ERC1: variants seen among roughly 807,000 people sequenced by gnomAD.
ERC1 encodes RAB6 interacting protein 2.
In ERC1, 56 loss-of-function variants were observed where a neutral mutation model predicts 132.0. The observed-to-expected ratio is 0.42, with a 90% CI of 0.34 to 0.53. The LOEUF (loss-of-function observed/expected upper bound fraction) is 0.53. ERC1 is among the 20% of genes least tolerant of loss of function. The pLI is 0.03. For synonymous variants in ERC1, 478 were observed against 476.1 expected (o/e 1.00, Z -0.05); for missense variants, 1,202 against 1,349.9 (o/e 0.89, Z 1.72).
At chr12:1,165,349 C>T (rs538895553) in intron 8 of ERC1, among the ~76,000 whole-genome samples, 23 of 151,640 alleles carry the variant, frequency 1.5e-4, no homozygotes, top group African/African-American at 5.3e-4. Context: ...TCTGTTGCCC[C>T]GGCTGGAGTG....
chr12:992,170 T>TC (rs768332998), intron 1 of ERC1, among the ~76,000 whole-genome samples: 19 of 151,888 alleles, frequency 1.3e-4, no homozygotes, highest in Non-Finnish European at 2.5e-4. Flanking sequence ...CAGTTTTTTT[T>TC]CCCCCCAATG....
chr12:1,136,417 T>C lies in ERC1; in HGVS notation c.1570-5203T>C, dbSNP rs144226134. ...GCTTCTTTTCTGTACTTTTAGAAAATATTCTCTACACTTCTGTTGCAGCAC... is the reference window on the plus strand; with the variant it reads ...GCTTCTTTTCTGTACTTTTAGAAAACATTCTCTACACTTCTGTTGCAGCAC... On this transcript the variant is annotated intron_variant, in intron 7 of 18. Coordinates refer to ENST00000360905, the MANE Select transcript of ERC1 (RefSeq NM_178040.4). 1.4e-4 allele frequency among the ~76,000 whole-genome samples: 21 copies of C among 152,334 alleles called. No homozygotes were observed. In the East Asian group the frequency reaches 2.7e-3, roughly 20 times the overall value.
chr12:1,405,246 G>T (rs1009340809), intron 16 of ERC1, among the ~76,000 whole-genome samples: 78 of 149,428 alleles, frequency 5.2e-4, no homozygotes, highest in Non-Finnish European at 1.8e-4. Context: ...GTCTCTGGGG[G>T]TCCTCCCAGA....
intron 4 of ERC1, 120 bp from the exon 5 acceptor site, chr12:1,110,072 C>T: frequency 1.2e-5 from 10 of 824,674 alleles, no homozygotes; most frequent in Non-Finnish European, 1.8e-5. Flanking sequence ...AATTGCCAGA[C>T]AGCATTTTTT....
At chr12:1,020,965 A>T (rs1046224246) in intron 1 of ERC1, among the ~76,000 whole-genome samples, 7 of 152,100 alleles carry the variant, frequency 4.6e-5, no homozygotes, top group Non-Finnish European at 1.0e-4. Context: ...TTTGAGATGG[A>T]GTCCTGCTCT....
rs371095522 is a variant in ERC1 at position 1,475,967 on chromosome 12, T to TAA, written c.3214-14113_3214-14112dup. ...GCAACATAGTGAGATGTCATCTCTT[T>TAA]AAAAAAAAAAAAAAGGCTGGGCAAG... On this transcript the variant is annotated intron_variant, in intron 18 of 18. Transcript: ENST00000360905. Among the ~76,000 whole-genome samples the TAA allele has an allele frequency of 1.4e-3, 193 of 140,220 alleles. 2 individuals carry two copies. The highest frequency in any genetic ancestry group is 3.9e-3 in the African/African-American group (148 of 38,058). 92.0% of individuals were successfully genotyped at this position (140,220 alleles called of 152,430 possible).
intron 16 of ERC1, among the ~76,000 whole-genome samples, chr12:1,394,475 C>T (rs1272053938): frequency 6.6e-6 from 1 of 152,132 alleles, no homozygotes. Context: ...TACAACTGTA[C>T]ACTCAGTGAT....
intron 2 of ERC1, among the ~76,000 whole-genome samples, chr12:1,074,237 C>G (rs1468409278): frequency 2.0e-5 from 3 of 152,036 alleles, no homozygotes; most frequent in Admixed American, 2.0e-4. Context: ...TTGACTGAAA[C>G]GTCATGTGGT....
intron 18 of ERC1, among the ~76,000 whole-genome samples, chr12:1,448,592 T>C (rs2093358585): frequency 6.6e-6 from 1 of 152,274 alleles, no homozygotes; most frequent in Admixed American, 6.5e-5. Flanking sequence ...TTTATAGTTT[T>C]GTAGTTTTGT....
intron 2 of ERC1, among the ~76,000 whole-genome samples, chr12:1,072,215 T>C (rs1348246106): frequency 6.6e-6 from 1 of 152,152 alleles, no homozygotes; most frequent in Non-Finnish European, 1.5e-5. Context: ...CTCTGCAGTA[T>C]GCATGCAGGA....
intron 14 of ERC1, among the ~76,000 whole-genome samples, chr12:1,285,031 A>G (rs1380511537): frequency 6.6e-6 from 1 of 152,164 alleles, no homozygotes; most frequent in Non-Finnish European, 1.5e-5. Flanking sequence ...AGAAATGTCT[A>G]TAGAGATCTT....
chr12:1,276,941 A>G (rs2078317043), intron 14 of ERC1, among the ~76,000 whole-genome samples: 1 of 152,202 alleles, frequency 6.6e-6, no homozygotes, highest in Non-Finnish European at 1.5e-5. Flanking sequence ...TTGATAAACT[A>G]CTTTTTCATC....
intron 7 of ERC1, among the ~76,000 whole-genome samples, chr12:1,138,158 A>AAT (rs201160852): frequency 0.063 from 5,589 of 88,016 alleles, 531 homozygotes; most frequent in African/African-American, 0.23. Flanking sequence ...TTATTTACAT[A>AAT]ATATATATAA....
At chr12:1,352,825 T>C (rs1173226233) in intron 15 of ERC1, among the ~76,000 whole-genome samples, 2 of 152,188 alleles carry the variant, frequency 1.3e-5, no homozygotes, top group African/African-American at 2.4e-5. Context: ...TCTTTCAAAG[T>C]ACATACAAAT....
intron 17 of ERC1, among the ~76,000 whole-genome samples, chr12:1,418,675 TTTCTTTCTTTCTTTCTTTCTTTC>T (rs2092291250): frequency 1.3e-5 from 1 of 75,838 alleles, no homozygotes; most frequent in African/African-American, 8.1e-5. Context: ...CTTTTCTTTC[TTTCTTTCTTTCTTTCTTTCTTTC>T]TTTCTTTCTT....
intron 8 of ERC1, among the ~76,000 whole-genome samples, chr12:1,159,297 A>G (rs1951678668): frequency 6.6e-6 from 1 of 152,126 alleles, no homozygotes; most frequent in South Asian, 2.1e-4. Flanking sequence ...TCAGATCATC[A>G]GGCATTAGGA....
chr12:1,124,460 A>C (rs552033208), intron 7 of ERC1, among the ~76,000 whole-genome samples: 2 of 152,300 alleles, frequency 1.3e-5, no homozygotes, highest in East Asian at 3.9e-4. Flanking sequence ...AAAGCTCTCT[A>C]TATAAAAATT....
intron 8 of ERC1, among the ~76,000 whole-genome samples, chr12:1,163,580 A>C (rs183713396): frequency 3.5e-4 from 54 of 152,262 alleles, no homozygotes; most frequent in African/African-American, 1.2e-3. Context: ...TCACATAGGT[A>C]GTTTGTTCTT....
At chr12:1,135,572 G>T (rs951851666) in intron 7 of ERC1, among the ~76,000 whole-genome samples, 5 of 152,182 alleles carry the variant, frequency 3.3e-5, no homozygotes, top group Non-Finnish European at 7.3e-5. Flanking sequence ...ATTAGTTAAG[G>T]TTTGAGATAA....
Sources: gnomAD v4.1 joint callset for allele counts (sites outside exome capture counted in the v4.1 genomes callset) on GRCh38, gnomAD v4.1.1 for gene constraint, MANE v1.5 for transcripts, NCBI Gene and HGNC (gene_info 2026-07-23, HGNC 2026-07-21) for gene names.